RTN1: variants seen among roughly 807,000 people sequenced by gnomAD.
The protein encoded by RTN1 is reticulon 1.
In RTN1, 25 loss-of-function variants were observed where a neutral mutation model predicts 65.5. The ratio of observed to expected loss-of-function variants is 0.38; its 90% CI spans 0.28 to 0.53. The LOEUF (loss-of-function observed/expected upper bound fraction) is 0.53, where lower values mean the gene tolerates loss of function less well. RTN1 is among the 20% of genes least tolerant of loss of function. The pLI is 0.79. For missense variants in RTN1, 983 were observed against 1,025.4 expected (o/e 0.96, Z 0.57); for synonymous variants, 471 against 447.6 (o/e 1.05, Z -0.66).
chr14:59,676,720 A>G (rs1883635748), intron 3 of RTN1, among the ~76,000 whole-genome samples: 1 of 152,186 alleles, frequency 6.6e-6, no homozygotes. Context: ...TTCTGGATCC[A>G]TCCCCAATCA....
chr14:59,720,177 T>G (rs1429616965), intron 3 of RTN1, among the ~76,000 whole-genome samples: 1 of 152,156 alleles, frequency 6.6e-6, no homozygotes, highest in East Asian at 1.9e-4. Flanking sequence ...TAATAAGTGC[T>G]GGAGCCACCA....
intron 4 of RTN1, 86 bp downstream of exon 4, chr14:59,607,199 G>T: frequency 8.5e-7 from 1 of 1,175,650 alleles, no homozygotes; most frequent in Non-Finnish European, 1.2e-6. Context: ...AGAGAAACAT[G>T]ACTCAAGTGC....
rs1001157111 is a variant in RTN1, at chr14:59,727,955, C to T, written c.1016-287G>A. Among the ~76,000 whole-genome samples, 2 of 152,196 alleles carry T rather than the reference C, an allele frequency of 1.3e-5. No homozygotes were observed. The highest frequency in any genetic ancestry group is 4.8e-5 in the African/African-American group (2 of 41,454). On this transcript the variant is annotated intron_variant, in intron 2 of 8. Transcript: ENST00000267484. This position sits in a 1 kb window ranked among gnomAD's most constrained non-coding sequence, Gnocchi z 4.2. Reference sequence around the variant, plus strand: ...AAAAAATGACCCAGCAATATCTTAGCAACAGAATCTCAGTTGGTGTTCCTG... The same window carrying T: ...AAAAAATGACCCAGCAATATCTTAGTAACAGAATCTCAGTTGGTGTTCCTG...
intron 3 of RTN1, among the ~76,000 whole-genome samples, chr14:59,709,626 C>T (rs1200325525): frequency 2.0e-5 from 3 of 152,298 alleles, no homozygotes; most frequent in Middle Eastern, 3.4e-3. Flanking sequence ...ATCTTGCCCC[C>T]TGCCTTGTGG....
chr14:59,862,664 C>A (rs554277208), intron 1 of RTN1, among the ~76,000 whole-genome samples: 1 of 152,262 alleles, frequency 6.6e-6, no homozygotes, highest in African/African-American at 2.4e-5. Context: ...CCATCTGTTC[C>A]CACTGGGATC....
intron 1 of RTN1, among the ~76,000 whole-genome samples, chr14:59,782,229 T>G (rs970976936): frequency 6.6e-6 from 1 of 152,178 alleles, no homozygotes; most frequent in Admixed American, 6.5e-5. Context: ...TAGTTTATGG[T>G]ATTTTGTTAC....
chr14:59,815,672 G>A (rs908425163), intron 1 of RTN1, among the ~76,000 whole-genome samples: 2 of 152,144 alleles, frequency 1.3e-5, no homozygotes, highest in African/African-American at 4.8e-5. Context: ...GAACACAAAG[G>A]TGCCTGGCTC....
chr14:59,648,149 T>C (rs1379180145), intron 3 of RTN1, among the ~76,000 whole-genome samples: 1 of 152,184 alleles, frequency 6.6e-6, no homozygotes, highest in Admixed American at 6.5e-5. Context: ...CAGACTATTA[T>C]GAACACCTCT....
chr14:59,723,365 G>T (rs912306229), intron 3 of RTN1, among the ~76,000 whole-genome samples: 3 of 151,960 alleles, frequency 2.0e-5, no homozygotes, highest in African/African-American at 7.2e-5. Context: ...CCAGCACTTT[G>T]GGAGGCCAAG....
chr14:59,662,499 T>G (rs1282257844), intron 3 of RTN1, among the ~76,000 whole-genome samples: 1 of 152,170 alleles, frequency 6.6e-6, no homozygotes, highest in East Asian at 1.9e-4. Flanking sequence ...CTCATCATTT[T>G]TTATGGCTGC....
chr14:59,809,199 T>C (rs1469505694), intron 1 of RTN1, among the ~76,000 whole-genome samples: 1 of 152,142 alleles, frequency 6.6e-6, no homozygotes, highest in Non-Finnish European at 1.5e-5. Flanking sequence ...AATGAACTGA[T>C]AACAACTCTA....
chr14:59,784,414 C>T (rs938499606), intron 1 of RTN1, among the ~76,000 whole-genome samples: 7 of 150,494 alleles, frequency 4.7e-5, no homozygotes, highest in East Asian at 2.0e-4. Flanking sequence ...ACACTCCAGC[C>T]GGGGCAACAA....
chr14:59,644,304 A>C (rs1406104563), intron 3 of RTN1, among the ~76,000 whole-genome samples: 1 of 152,208 alleles, frequency 6.6e-6, no homozygotes, highest in African/African-American at 2.4e-5. Flanking sequence ...TCACTTACCC[A>C]GGAGCAACAT....
chr14:59,702,077 A>T (rs1162137027), intron 3 of RTN1, among the ~76,000 whole-genome samples: 2 of 152,164 alleles, frequency 1.3e-5, no homozygotes, highest in African/African-American at 4.8e-5. Flanking sequence ...CAACAACACA[A>T]TTTTTTAAGT....
chr14:59,828,924 C>A (rs895810831), intron 1 of RTN1, among the ~76,000 whole-genome samples: 2 of 152,158 alleles, frequency 1.3e-5, no homozygotes, highest in Non-Finnish European at 2.9e-5. Context: ...AGAAATAATT[C>A]TATGCCTAAT....
chr14:59,736,528 A>G (rs550479835), intron 2 of RTN1, among the ~76,000 whole-genome samples: 1 of 152,338 alleles, frequency 6.6e-6, no homozygotes, highest in South Asian at 2.1e-4. Context: ...TTGAGACAAC[A>G]ATAAATAGCC....
intron 3 of RTN1, among the ~76,000 whole-genome samples, chr14:59,702,099 A>C (rs1018969025): frequency 1.3e-5 from 2 of 152,206 alleles, no homozygotes; most frequent in East Asian, 3.9e-4. Flanking sequence ...TTGCTTAGAT[A>C]AGAATATTAA....
chr14:59,663,889 C>T (rs888504535), intron 3 of RTN1, among the ~76,000 whole-genome samples: 2 of 152,106 alleles, frequency 1.3e-5, no homozygotes, highest in African/African-American at 4.8e-5. Flanking sequence ...TTAGTTCAGC[C>T]ATTGTGGAAG....
intron 3 of RTN1, among the ~76,000 whole-genome samples, chr14:59,618,742 A>T (rs538249513): frequency 6.6e-6 from 1 of 152,250 alleles, no homozygotes; most frequent in African/African-American, 2.4e-5. Flanking sequence ...AGTGTCCCCA[A>T]AAGTTATGTA....
Sources: allele counts gnomAD v4.1 joint callset (sites outside exome capture counted in the v4.1 genomes callset), GRCh38; gene constraint gnomAD v4.1.1; non-coding constraint Gnocchi (gnomAD v3.1); transcripts MANE v1.5; gene names NCBI Gene and HGNC (gene_info 2026-07-23, HGNC 2026-07-21).